Variants in LUZP2 observed in about 807,000 individuals in gnomAD.
LUZP2 encodes the protein leucine zipper protein 2.
Under a neutral mutation model 51.6 loss-of-function variants are expected in LUZP2, and 52 were observed. That is an observed-to-expected ratio of 1.01 (90% CI 0.81 to 1.27). The LOEUF is 1.27. Among genes scored for constraint, LUZP2 ranks in the 50% most tolerant of loss-of-function variants. The probability of loss-of-function intolerance (pLI) is 0.00; values close to 1 mark genes in which losing one functional copy is unlikely to be tolerated. For missense variants in LUZP2, 436 were observed against 395.4 expected (o/e 1.10, Z -0.87); for synonymous variants, 154 against 137.3 (o/e 1.12, Z -0.85).
At chr11:24,702,328 G>A (rs960190508) in intron 1 of LUZP2, among the ~76,000 whole-genome samples, 5 of 152,188 alleles carry the variant, frequency 3.3e-5, no homozygotes, top group African/African-American at 1.2e-4. Flanking sequence ...AATGTCTGTG[G>A]ACTGATCCTC....
At chr11:24,623,937 C>T (rs142579760) in intron 1 of LUZP2, among the ~76,000 whole-genome samples, 1 of 152,238 alleles carries the variant, frequency 6.6e-6, no homozygotes, top group East Asian at 1.9e-4. Context: ...ATGCTTTTGC[C>T]TCTATATGAT....
chr11:24,759,780 C>G (rs188635717), intron 4 of LUZP2, among the ~76,000 whole-genome samples: 1 of 152,060 alleles, frequency 6.6e-6, no homozygotes, highest in Admixed American at 6.6e-5. Flanking sequence ...ACTCTGCATA[C>G]GTGTTTAATT....
At chr11:24,757,550 T>C (rs1859820837) in intron 4 of LUZP2, among the ~76,000 whole-genome samples, 1 of 151,836 alleles carries the variant, frequency 6.6e-6, no homozygotes, top group South Asian at 2.1e-4. Flanking sequence ...ATTCAAGAAG[T>C]TGGTTAAAAA....
intron 1 of LUZP2, among the ~76,000 whole-genome samples, chr11:24,508,218 A>G (rs1850197490): frequency 6.6e-6 from 1 of 152,064 alleles, no homozygotes; most frequent in Non-Finnish European, 1.5e-5. Flanking sequence ...TCACTGTACT[A>G]CAGTGCCTCC....
At chr11:25,065,349 C>T (rs1240562252) in intron 10 of LUZP2, among the ~76,000 whole-genome samples, 1 of 151,990 alleles carries the variant, frequency 6.6e-6, no homozygotes, top group Non-Finnish European at 1.5e-5. Flanking sequence ...TTATGTTCAT[C>T]ATTATCATTG....
intron 1 of LUZP2, among the ~76,000 whole-genome samples, chr11:24,698,324 G>A (rs935672125): frequency 1.3e-5 from 2 of 152,296 alleles, no homozygotes; most frequent in Admixed American, 6.5e-5. Flanking sequence ...TTAATTTAAT[G>A]AAATACTTTG....
In LUZP2 at chr11:25,078,690, T is replaced by A. The variant is rs1859391489; in HGVS notation, c.*32T>A. 6.8e-7 allele frequency: 1 copy of A among 1,473,232 alleles called. No individual in the cohort carries two copies. Among genetic ancestry groups the A allele is most frequent in the Non-Finnish European group, 9.4e-7 (1 of 1,066,720 alleles). 91.3% of individuals were successfully genotyped at this position (1,473,232 alleles called of 1,614,324 possible). ...AGAAACTGTGTTAAAAACGTCCATT[T>A]GCTATTGTCTTCATATTCTTTTTAG... On this transcript the variant is annotated 3_prime_UTR_variant, in exon 12 of 12. Coordinates refer to ENST00000336930, the MANE Select transcript of LUZP2 (RefSeq NM_001009909.4).
At chr11:24,923,259 T>C (rs1007357813) in intron 7 of LUZP2, among the ~76,000 whole-genome samples, 1 of 152,154 alleles carries the variant, frequency 6.6e-6, no homozygotes, top group Non-Finnish European at 1.5e-5. Context: ...TTTTAGAAGT[T>C]ATTTCTTCTA....
chr11:24,899,903 G>A (rs1853220092), intron 5 of LUZP2, among the ~76,000 whole-genome samples: 1 of 152,128 alleles, frequency 6.6e-6, no homozygotes, highest in South Asian at 2.1e-4. Flanking sequence ...AAAACTCAGA[G>A]AAGATGTAGA....
intron 5 of LUZP2, among the ~76,000 whole-genome samples, chr11:24,783,146 C>T (rs895386722): frequency 2.0e-5 from 3 of 152,030 alleles, no homozygotes; most frequent in Non-Finnish European, 4.4e-5. Context: ...CTATCACAAG[C>T]ACATGTCCAT....
At chr11:24,686,662 G>T (rs1565076814) in intron 1 of LUZP2, among the ~76,000 whole-genome samples, 1 of 152,104 alleles carries the variant, frequency 6.6e-6, no homozygotes, top group South Asian at 2.1e-4. Context: ...CTAATTCTTA[G>T]GAGTTTGTTT....
At chr11:24,601,593 C>T (rs566677330) in intron 1 of LUZP2, among the ~76,000 whole-genome samples, 11 of 151,766 alleles carry the variant, frequency 7.2e-5, no homozygotes, top group Admixed American at 1.3e-4. Context: ...ATTATTTTAT[C>T]GGGTAGCCTA....
intron 1 of LUZP2, among the ~76,000 whole-genome samples, chr11:24,574,054 T>C (rs1852526295): frequency 6.6e-6 from 1 of 151,620 alleles, no homozygotes; most frequent in African/African-American, 2.4e-5. Context: ...TTATTTTTCT[T>C]TCCTTCTCTC....
intron 10 of LUZP2, among the ~76,000 whole-genome samples, chr11:25,071,841 A>C (rs1369554772): frequency 5.5e-5 from 1 of 18,022 alleles, no homozygotes; most frequent in Non-Finnish European, 3.2e-4. Context: ...AAAAATTTAA[A>C]AAAAGATAAA....
intron 7 of LUZP2, among the ~76,000 whole-genome samples, chr11:24,921,602 A>AT (rs1410913249): frequency 6.6e-6 from 1 of 152,078 alleles, no homozygotes; most frequent in East Asian, 1.9e-4. Context: ...TTTGGGGGTT[A>AT]TTTTTTATTA....
At chr11:24,565,418 G>T (rs1186611061) in intron 1 of LUZP2, among the ~76,000 whole-genome samples, 1 of 152,084 alleles carries the variant, frequency 6.6e-6, no homozygotes, top group Non-Finnish European at 1.5e-5. Context: ...GGGACGTGAA[G>T]GTAAATATTT....
chr11:24,926,013 C>T (rs1040997001), intron 7 of LUZP2, among the ~76,000 whole-genome samples: 1 of 151,922 alleles, frequency 6.6e-6, no homozygotes, highest in African/African-American at 2.4e-5. Flanking sequence ...TCCTGAGTTA[C>T]TTCACTTAGA....
chr11:24,689,934 A>G (rs1472441296), intron 1 of LUZP2, among the ~76,000 whole-genome samples: 1 of 152,034 alleles, frequency 6.6e-6, no homozygotes. Flanking sequence ...ATAAACTGTA[A>G]AAATAAGGGT....
chr11:24,937,554 C>A (rs1372356869), intron 7 of LUZP2, among the ~76,000 whole-genome samples: 2 of 151,904 alleles, frequency 1.3e-5, no homozygotes, highest in Non-Finnish European at 2.9e-5. Flanking sequence ...AAGAAATTAC[C>A]AGCTTACTTT....
Sources: allele counts gnomAD v4.1 joint callset (sites outside exome capture counted in the v4.1 genomes callset), GRCh38; gene constraint gnomAD v4.1.1; transcripts MANE v1.5; gene names NCBI Gene and HGNC (gene_info 2026-07-23, HGNC 2026-07-21).